Variants in PTPN9 observed in about 807,000 individuals in gnomAD.
The protein encoded by PTPN9 is protein tyrosine phosphatase non-receptor type 9.
PTPN9 carries 26 observed loss-of-function variants against 69.8 expected under a neutral mutation model. That is an observed-to-expected ratio of 0.37 (90% CI 0.27 to 0.52). The LOEUF (loss-of-function observed/expected upper bound fraction) is 0.52, where lower values mean the gene tolerates loss of function less well. PTPN9 is among the 20% of genes least tolerant of loss of function. The pLI is 0.91. For missense variants in PTPN9, 549 were observed against 740.3 expected (o/e 0.74, Z 3.00); for synonymous variants, 274 against 272.5 (o/e 1.01, Z -0.05).
At chr15:75,528,275 A>G (rs1381529396) in intron 1 of PTPN9, among the ~76,000 whole-genome samples, 1 of 152,094 alleles carries the variant, frequency 6.6e-6, no homozygotes, top group East Asian at 1.9e-4. Context: ...CAACTAATTC[A>G]TGTTCTTTTA....
intron 10 of PTPN9, among the ~76,000 whole-genome samples, chr15:75,472,101 C>T (rs193119598): frequency 2.2e-4 from 34 of 152,270 alleles, no homozygotes; most frequent in Non-Finnish European, 5.9e-5. Flanking sequence ...CCTTCCTCAT[C>T]TGAAATAGGT....
chr15:75,518,661 T>C (rs1231641328), intron 4 of PTPN9, among the ~76,000 whole-genome samples: 1 of 151,522 alleles, frequency 6.6e-6, no homozygotes, highest in African/African-American at 2.4e-5. Flanking sequence ...CTACTAAAAA[T>C]ACAAAATTAG....
rs2074528728 is a variant in PTPN9, at chr15:75,464,403, G to T, written c.*4366C>A. 1 of 152,122 alleles carries T rather than the reference G, an allele frequency of 6.6e-6. No homozygotes were observed. Among genetic ancestry groups the T allele is most frequent in the Non-Finnish European group, 1.5e-5 (1 of 68,082 alleles). 9.4% of individuals were successfully genotyped at this position (152,122 alleles called of 1,614,324 possible). A position where few individuals can be genotyped will look rare whatever the true frequency, so the allele number is the denominator to read the frequency against. On this transcript the variant is annotated 3_prime_UTR_variant, in exon 13 of 13. Transcript: ENST00000618819. ...GGCAACAGAGTGAGACTCTGTCTCT[G>T]AAAGTAAAAAAAATGAAAAGTGGGG...
chr15:75,473,763 A>G lies in PTPN9; in HGVS notation c.1134T>C (p.Pro378=), dbSNP rs2074581288. Reference sequence around the variant, plus strand: ...AGAAATCACGATAGGTATTCTCCAAAGGACCTGAAATAAAAGGAGAAGACA... The same window carrying G: ...AGAAATCACGATAGGTATTCTCCAAGGGACCTGAAATAAAAGGAGAAGACA... ...QKNAYIGTQG[P]LENTYRDFWL... The change falls in exon 10 of 13, where the codon CCT becomes CCC. Residue 378 remains proline, a synonymous_variant. Transcript: ENST00000618819. 1 of 1,566,996 alleles carries G rather than the reference A, an allele frequency of 6.4e-7. No individual in the cohort carries two copies. Among genetic ancestry groups the G allele is most frequent in the Non-Finnish European group, 8.8e-7 (1 of 1,137,506 alleles).
intron 7 of PTPN9, among the ~76,000 whole-genome samples, chr15:75,504,273 CCCGGCCAGCCGCCCCGT>C (rs2074799547): frequency 7.3e-6 from 1 of 136,300 alleles, no homozygotes; most frequent in Non-Finnish European, 1.6e-5. Flanking sequence ...CAGCCCCCTG[CCCGGCCAGCCGCCCCGT>C]CCGGGAGGTG....
intron 6 of PTPN9, 119 bp downstream of exon 6, chr15:75,508,798 C>T (rs943092170): frequency 4.3e-6 from 3 of 697,102 alleles, no homozygotes; most frequent in South Asian, 3.5e-5. Flanking sequence ...AATGCACTAA[C>T]AGAAGCAGAA....
intron 8 of PTPN9, among the ~76,000 whole-genome samples, chr15:75,480,313 TAAA>T (rs2074621391): frequency 6.6e-6 from 1 of 152,130 alleles, no homozygotes; most frequent in South Asian, 2.1e-4. Flanking sequence ...ATATTAAAAT[TAAA>T]AACTTATGCC....
intron 4 of PTPN9, among the ~76,000 whole-genome samples, chr15:75,521,813 G>C (rs948929210): frequency 6.6e-6 from 1 of 152,208 alleles, no homozygotes; most frequent in Admixed American, 6.5e-5. Context: ...TGATGGATAT[G>C]TGGATGTTCA....
At chr15:75,530,206 AAAAAAAAAAAAAG>A (rs2074948716) in intron 1 of PTPN9, among the ~76,000 whole-genome samples, 1 of 144,766 alleles carries the variant, frequency 6.9e-6, no homozygotes, top group Non-Finnish European at 1.5e-5. Flanking sequence ...TCTCAAAAAA[AAAAAAAAAAAAAG>A]AAAAGAAAGA....
rs1398291720 is a variant in PTPN9, at chr15:75,578,903, C to A, written c.-127G>T. On this transcript the variant is annotated 5_prime_UTR_variant, in exon 1 of 13. Transcript: ENST00000618819. ...GCCGGCTCGCGCATAGTGTGGCCGG[C>A]AGGGCCCGGCGCCTGCAGCGGCCGC... The A allele has an allele frequency of 5.8e-5, 31 of 533,036 alleles. No homozygotes were observed. The highest frequency in any genetic ancestry group is 8.0e-5 in the Non-Finnish European group (30 of 372,896). The allele number at this position is 533,036 out of a possible 1,614,324, so 33.0% of individuals were successfully genotyped here.
At chr15:75,535,356 A>T (rs186179235) in intron 1 of PTPN9, among the ~76,000 whole-genome samples, 1 of 152,298 alleles carries the variant, frequency 6.6e-6, no homozygotes, top group East Asian at 1.9e-4. Context: ...GTGGCTATAA[A>T]GAAAAAGCTG....
intron 7 of PTPN9, among the ~76,000 whole-genome samples, chr15:75,490,749 T>C (rs1341139267): frequency 3.3e-5 from 5 of 152,138 alleles, no homozygotes; most frequent in Non-Finnish European, 7.4e-5. Flanking sequence ...TTCAGCCTCC[T>C]GAGTAGCTGG....
rs369309692 is a variant in PTPN9, at chr15:75,469,947, T to G, written c.1412A>C (p.Tyr471Ser). 1 of 1,614,130 alleles carries G rather than the reference T, an allele frequency of 6.2e-7. No homozygotes were observed. The highest frequency in any genetic ancestry group is 8.5e-7 in the Non-Finnish European group (1 of 1,179,952). Residue 471 changes from tyrosine (Y) to serine (S), a missense_variant, in exon 12 of 13, where the codon TAT becomes TCT. Physicochemically the swap from Tyr to Ser is moderately radical, Grantham distance 144 (BLOSUM62 -2). Transcript: ENST00000618819. ...THFQFLSWPD[Y>S]GVPSSAASLI... is the part of the protein sequence containing the mutation. ...GGAAGCTGCTGAGGAAGGGACACCA[T>G]AGTCTGGCCAGCTCAAGAACTGGAA...
At chr15:75,578,688 A>G (rs1456705471) in intron 1 of PTPN9, 26 bp downstream of exon 1, 4 of 1,364,880 alleles carry the variant, frequency 2.9e-6, no homozygotes, top group Middle Eastern at 2.7e-4. Context: ...GGACACACCC[A>G]ACGCGGCGGC....
intron 5 of PTPN9, among the ~76,000 whole-genome samples, chr15:75,516,343 G>T (rs915461848): frequency 1.4e-5 from 2 of 141,296 alleles, no homozygotes; most frequent in Non-Finnish European, 3.0e-5. Flanking sequence ...TCACTGTGTC[G>T]CCCAGGCTGG....
intron 1 of PTPN9, among the ~76,000 whole-genome samples, chr15:75,562,656 C>T (rs577423630): frequency 1.3e-5 from 2 of 151,840 alleles, no homozygotes; most frequent in Non-Finnish European, 2.9e-5. Flanking sequence ...ACGGTGAAAC[C>T]CCATCTCTAC....
At chr15:75,499,313 A>G (rs1026205287) in intron 7 of PTPN9, among the ~76,000 whole-genome samples, 5 of 151,822 alleles carry the variant, frequency 3.3e-5, no homozygotes, top group Admixed American at 2.0e-4. Flanking sequence ...CAAGACTAGG[A>G]AGTCCTCTCA....
chr15:75,486,099 CAA>C (rs571404981), intron 8 of PTPN9, among the ~76,000 whole-genome samples: 4 of 86,982 alleles, frequency 4.6e-5, no homozygotes, highest in Non-Finnish European at 7.0e-5. Flanking sequence ...GACTCCAACT[CAA>C]AAAAAAAAAA....
intron 10 of PTPN9, among the ~76,000 whole-genome samples, chr15:75,472,601 G>A (rs1233255693): frequency 6.6e-6 from 1 of 152,036 alleles, no homozygotes; most frequent in Non-Finnish European, 1.5e-5. Flanking sequence ...AGACCAGCCT[G>A]ACCAACATGG....
Sources: gnomAD v4.1 joint callset for allele counts (sites outside exome capture counted in the v4.1 genomes callset) on GRCh38, gnomAD v4.1.1 for gene constraint, MANE v1.5 for transcripts, NCBI Gene and HGNC (gene_info 2026-07-23, HGNC 2026-07-21) for gene names.